ATM: variants seen among roughly 807,000 people sequenced by gnomAD.
ATM encodes ATM serine/threonine kinase.
A neutral mutation model predicts 387.0 loss-of-function variants in ATM; 308 were observed. The ratio of observed to expected loss-of-function variants is 0.80; its 90% CI spans 0.73 to 0.87. The LOEUF is 0.87. ATM is among the 40% of genes least tolerant of loss of function. The pLI is 0.00. For missense variants in ATM, 3,312 were observed against 3,560.9 expected (o/e 0.93, Z 1.78); for synonymous variants, 1,156 against 1,187.3 (o/e 0.97, Z 0.54).
chr11:108,363,504 T>C (rs113654854), intron 61 of ATM, among the ~76,000 whole-genome samples: 2,977 of 152,272 alleles, frequency 0.02, 93 homozygotes, highest in African/African-American at 0.067. Context: ...TAGAGGACAG[T>C]TGGCAATGTC....
chr11:108,264,240 C>T (rs1267105949), intron 16 of ATM, among the ~76,000 whole-genome samples: 1 of 151,928 alleles, frequency 6.6e-6, no homozygotes, highest in Admixed American at 6.6e-5. Flanking sequence ...CAATAAAATA[C>T]TGGCAAACTG....
intron 61 of ATM, chr11:108,355,398 C>A: frequency 6.0e-6 from 1 of 167,820 alleles, no homozygotes; most frequent in Non-Finnish European, 1.3e-5. Context: ...AGGGTTTGGG[C>A]CTGCAGAGCA....
intron 36 of ATM, among the ~76,000 whole-genome samples, chr11:108,303,609 A>G (rs1338696912): frequency 6.6e-6 from 1 of 152,186 alleles, no homozygotes; most frequent in East Asian, 1.9e-4. Flanking sequence ...GATGAGGTCA[A>G]ACATCTGCTG....
Position 108,288,909 on chromosome 11 carries a change from G to C in ATM, c.4110-68G>C, listed in dbSNP as rs537836946. 3 of 1,565,636 alleles carry C rather than the reference G, an allele frequency of 1.9e-6. No homozygotes were observed. In the South Asian group the frequency reaches 3.5e-5, roughly 18 times the overall value. ...TATTAAAATCTAAATTTTCATTTTGGAAGTTCACTGGTCTATGAACAAAAC... is the reference window on the plus strand; with the variant it reads ...TATTAAAATCTAAATTTTCATTTTGCAAGTTCACTGGTCTATGAACAAAAC... On this transcript the variant is annotated intron_variant, in intron 27 of 62. Coordinates refer to ENST00000675843, the MANE Select transcript of ATM (RefSeq NM_000051.4).
chr11:108,324,639 A>C (rs975370297), intron 45 of ATM, among the ~76,000 whole-genome samples: 1 of 152,126 alleles, frequency 6.6e-6, no homozygotes, highest in Admixed American at 6.5e-5. Context: ...AAGAGCTTTC[A>C]TTTCTTAGTC....
chr11:108,264,475 C>T (rs1199625826), intron 16 of ATM, among the ~76,000 whole-genome samples: 5 of 152,120 alleles, frequency 3.3e-5, no homozygotes, highest in East Asian at 1.9e-4. Context: ...ATTGATGGGA[C>T]GTATCTCAAA....
At chr11:108,247,202 T>TA in intron 8 of ATM, 75 bp downstream of exon 8, 1 of 1,458,496 alleles carries the variant, frequency 6.9e-7, no homozygotes, top group Admixed American at 1.7e-5. Context: ...TTTGGGCTTT[T>TA]AAAACCTGTG....
intron 24 of ATM, among the ~76,000 whole-genome samples, chr11:108,281,730 A>T (rs1176793976): frequency 6.6e-6 from 1 of 152,146 alleles, no homozygotes; most frequent in African/African-American, 2.4e-5. Flanking sequence ...TATGTGATAA[A>T]TCAGTGGTAG....
At position 108,336,311 on chromosome 11, in the gene ATM, AAAG is replaced by A. The variant is rs375553417; in HGVS notation, c.8268+367_8268+369del. 611 of 194,850 alleles carry A rather than the reference AAAG, an allele frequency of 3.1e-3. 1 individual carries two copies. Among genetic ancestry groups the A allele is most frequent in the South Asian group, 4.7e-3 (47 of 10,016 alleles). The allele number at this position is 194,850 out of a possible 1,614,324, so 12.1% of individuals were successfully genotyped here. A position where few individuals can be genotyped will look rare whatever the true frequency, so the allele number is the denominator to read the frequency against. On this transcript the variant is annotated intron_variant, in intron 56 of 62. Transcript: ENST00000675843. ...GCAACACAGCAAGATCCCGTTTAAAAAAGAAGAAGAAGAAGAAGATGCCATTAT... is the reference window on the plus strand; with the variant it reads ...GCAACACAGCAAGATCCCGTTTAAAAAAGAAGAAGAAGAAGATGCCATTAT...
At chr11:108,227,516 A>T (rs3218693) in intron 1 of ATM, 79 bp from the exon 2 acceptor site, 10 of 876,808 alleles carry the variant, frequency 1.1e-5, no homozygotes, top group Non-Finnish European at 1.9e-5. Context: ...AATTATATAC[A>T]CATTTTTTCA....
intron 39 of ATM, among the ~76,000 whole-genome samples, chr11:108,311,621 C>A (rs574041529): frequency 2.6e-5 from 4 of 151,916 alleles, no homozygotes; most frequent in Admixed American, 6.6e-5. Flanking sequence ...TCGCTTGAGC[C>A]CAGGAGGGAG....
chr11:108,329,407 TTTTTTG>T, intron 49 of ATM, 169 bp downstream of exon 49: 1 of 662,616 alleles, frequency 1.5e-6, no homozygotes, highest in Non-Finnish European at 2.5e-6. Flanking sequence ...TCGGTTTTTG[TTTTTTG>T]TTTTTTTTTT....
At position 108,270,893 on chromosome 11, in the gene ATM, A is replaced by G. The variant is rs546420633; in HGVS notation, c.2839-171A>G. Among the ~76,000 whole-genome samples the G allele has an allele frequency of 4.6e-5, 7 of 152,114 alleles. No homozygotes were observed. The South Asian group carries it at 1.5e-3, about 32-fold the overall frequency. ...GTGTTTTTAGTAGAGATGGAGTTTC[A>G]CCATATTGGCCAGGCTGTTCTCAAA... is the stretch of plus-strand genomic sequence containing the variant. On this transcript the variant is annotated intron_variant, in intron 18 of 62. Transcript: ENST00000675843.
At chr11:108,328,959 T>C in intron 48 of ATM, 62 bp from the exon 49 acceptor site, 1 of 1,476,272 alleles carries the variant, frequency 6.8e-7, no homozygotes, top group Non-Finnish European at 9.4e-7. Context: ...TTAATTTGAG[T>C]GATTCTTTAG....
Position 108,368,498 on chromosome 11 carries a change from G to A in ATM, c.*2990G>A, listed in dbSNP as rs573692593. On this transcript the variant is annotated 3_prime_UTR_variant, in exon 63 of 63. Transcript: ENST00000675843. ...AGTGATACTATCCCAATACACTGCT[G>A]GAGAAATCAGAATTTGGAGAAATAA... 59 of 214,928 alleles carry A rather than the reference G, an allele frequency of 2.7e-4. No individual in the cohort carries two copies. The highest frequency in any genetic ancestry group is 1.2e-3 in the African/African-American group (52 of 44,396). 13.3% of individuals were successfully genotyped at this position (214,928 alleles called of 1,614,324 possible).
At chr11:108,317,672 C>CAT in intron 43 of ATM, 151 bp downstream of exon 43, 1 of 228,322 alleles carries the variant, frequency 4.4e-6, no homozygotes, top group Non-Finnish European at 7.5e-6. Flanking sequence ...CACACACACA[C>CAT]ACTATATATA....
chr11:108,326,295 A>G, intron 47 of ATM, 70 bp downstream of exon 47: 1 of 1,547,968 alleles, frequency 6.5e-7, no homozygotes, highest in Non-Finnish European at 8.8e-7. Flanking sequence ...ACTTTAAAAT[A>G]TTTTTAATAA....
intron 7 of ATM, among the ~76,000 whole-genome samples, chr11:108,246,634 A>G (rs192989223): frequency 3.3e-5 from 5 of 152,332 alleles, no homozygotes; most frequent in African/African-American, 1.2e-4. Flanking sequence ...TAGGCCAGAA[A>G]AAGGCATACG....
intron 7 of ATM, among the ~76,000 whole-genome samples, chr11:108,245,476 A>G (rs552197718): frequency 3.3e-4 from 50 of 152,320 alleles, no homozygotes; most frequent in African/African-American, 1.2e-3. Flanking sequence ...TATTACTTTA[A>G]TAGGAATTTG....
Sources: gnomAD v4.1 joint callset for allele counts (sites outside exome capture counted in the v4.1 genomes callset) on GRCh38, gnomAD v4.1.1 for gene constraint, MANE v1.5 for transcripts, NCBI Gene and HGNC (gene_info 2026-07-23, HGNC 2026-07-21) for gene names.